FAM219A: variants seen among roughly 807,000 people sequenced by gnomAD.
FAM219A encodes protein FAM219A.
FAM219A carries 7 observed loss-of-function variants against 23.4 expected under a neutral mutation model. That is an observed-to-expected ratio of 0.30 (90% CI 0.17 to 0.56). The LOEUF (loss-of-function observed/expected upper bound fraction) is 0.56, where lower values mean the gene tolerates loss of function less well. Among genes scored for constraint, FAM219A ranks in the 20% least tolerant of loss-of-function variants. The pLI, the probability that FAM219A is intolerant of heterozygous loss-of-function variation, is 0.92. For synonymous variants in FAM219A, 93 were observed against 99.0 expected (o/e 0.94, Z 0.36); for missense variants, 166 against 246.9 (o/e 0.67, Z 2.20).
At chr9:34,456,393 C>G (rs1032478886) in intron 1 of FAM219A, among the ~76,000 whole-genome samples, 1 of 152,156 alleles carries the variant, frequency 6.6e-6, no homozygotes, top group Non-Finnish European at 1.5e-5. Context: ...ACAGAAGCAC[C>G]AAGGACAACT....
intron 1 of FAM219A, among the ~76,000 whole-genome samples, chr9:34,441,946 A>G (rs1452948319): frequency 1.3e-5 from 2 of 151,850 alleles, no homozygotes; most frequent in Non-Finnish European, 2.9e-5. Context: ...CTGGTTTCGA[A>G]CTCCTGGCCT....
At chr9:34,410,293 A>G (rs1381526890) in intron 1 of FAM219A, among the ~76,000 whole-genome samples, 3 of 152,242 alleles carry the variant, frequency 2.0e-5, no homozygotes, top group Non-Finnish European at 4.4e-5. Context: ...TAGTGCAGTC[A>G]ATACAATGGT....
intron 1 of FAM219A, among the ~76,000 whole-genome samples, chr9:34,418,738 G>T (rs1822131772): frequency 6.6e-6 from 1 of 152,178 alleles, no homozygotes; most frequent in African/African-American, 2.4e-5. Context: ...AATGGAGAAA[G>T]GAGTTAAGGT....
At chr9:34,438,719 T>C (rs1823035440) in intron 1 of FAM219A, among the ~76,000 whole-genome samples, 1 of 152,174 alleles carries the variant, frequency 6.6e-6, no homozygotes, top group African/African-American at 2.4e-5. Context: ...AGAACCTTTG[T>C]GTCTAGCTCA....
intron 1 of FAM219A, among the ~76,000 whole-genome samples, chr9:34,419,689 C>G (rs1299294264): frequency 1.3e-5 from 2 of 152,130 alleles, no homozygotes; most frequent in Non-Finnish European, 2.9e-5. Context: ...AATCTTGGCC[C>G]CAAATCTCAC....
intron 1 of FAM219A, among the ~76,000 whole-genome samples, chr9:34,447,919 T>C (rs2132014219): frequency 6.6e-6 from 1 of 152,134 alleles, no homozygotes; most frequent in South Asian, 2.1e-4. Context: ...TTGCCTAGGC[T>C]AGAGTGTAAT....
chr9:34,415,742 A>C (rs1185458870), intron 1 of FAM219A, among the ~76,000 whole-genome samples: 1 of 152,232 alleles, frequency 6.6e-6, no homozygotes, highest in African/African-American at 2.4e-5. Context: ...GAGGCAGAGC[A>C]AATTAGTCTC....
intron 1 of FAM219A, among the ~76,000 whole-genome samples, chr9:34,454,178 C>T (rs1823654075): frequency 6.6e-6 from 1 of 152,210 alleles, no homozygotes; most frequent in Non-Finnish European, 1.5e-5. Context: ...TGGCTCACGC[C>T]TGTAATCCCA....
chr9:34,400,746 T>C lies in FAM219A; in HGVS notation c.*218A>G. The C allele has an allele frequency of 4.5e-6, 2 of 447,932 alleles. No homozygotes were observed. Among genetic ancestry groups the C allele is most frequent in the Non-Finnish European group, 3.8e-6 (1 of 260,932 alleles). 27.7% of individuals were successfully genotyped at this position (447,932 alleles called of 1,614,324 possible). A position where few individuals can be genotyped will look rare whatever the true frequency, so the allele number is the denominator to read the frequency against. On this transcript the variant is annotated 3_prime_UTR_variant, in exon 6 of 6. Transcript: ENST00000651358. ...CAAACGGCCCCCACCCCTCCTCAGC[T>C]CCCGGGTGGAGAGAGACCCAGTTTT...
chr9:34,434,373 ATATT>A (rs1218650412), intron 1 of FAM219A, among the ~76,000 whole-genome samples: 1 of 152,070 alleles, frequency 6.6e-6, no homozygotes, highest in African/African-American at 2.4e-5. Flanking sequence ...GAAAATATAG[ATATT>A]TATTTTTATA....
intron 1 of FAM219A, among the ~76,000 whole-genome samples, chr9:34,413,322 T>G (rs1310314697): frequency 6.6e-6 from 1 of 152,000 alleles, no homozygotes; most frequent in African/African-American, 2.4e-5. Flanking sequence ...AGAGGAATAT[T>G]TGGTAGTTGG....
In FAM219A at chr9:34,402,786, C is replaced by T. The variant is rs778570970; in HGVS notation, c.182G>A (p.Arg61Gln). The T allele has an allele frequency of 2.0e-5, 33 of 1,614,052 alleles. No homozygotes were observed. The highest frequency in any genetic ancestry group is 1.6e-4 in the Middle Eastern group (1 of 6,080). The stretch of plus-strand genomic sequence containing the variant: ...GCTGCCATTCTTCAGGGAGCCCTTC[C>T]GGGCCAGCTCCCGCTGCTTCTCTGC... ...VKLEKQRELARKGSLKNGSMG... is the reference protein window; with the variant it reads ...VKLEKQRELAQKGSLKNGSMG... Residue 61 changes from arginine (R) to glutamine (Q), a missense_variant, in exon 3 of 6, where the codon CGG becomes CAG. This residue lies in a region of FAM219A where 89 missense variants were observed against 98.8 expected (regional missense o/e 0.90). Coordinates refer to ENST00000651358, the MANE Select transcript of FAM219A (RefSeq NM_001184940.2).
intron 1 of FAM219A, among the ~76,000 whole-genome samples, chr9:34,420,745 G>A (rs1220200155): frequency 1.3e-5 from 2 of 152,052 alleles, no homozygotes; most frequent in Admixed American, 1.3e-4. Flanking sequence ...AGGAGGCTGA[G>A]GTGGGAGGAT....
rs1378889878 is a variant in FAM219A, at chr9:34,441,230, G to T, written c.60+16974C>A. 3.9e-5 allele frequency among the ~76,000 whole-genome samples: 6 copies of T among 152,222 alleles called. No individual in the cohort carries two copies. In the East Asian group the frequency reaches 1.2e-3, roughly 29 times the overall value. ...AAGACCCTCCTCAGCATAGAAGAAG[G>T]CTGCTAAGAAATCTGTGGGAAGCAA... On this transcript the variant is annotated intron_variant, in intron 1 of 5. Transcript: ENST00000651358.
At chr9:34,405,560 T>C (rs1367261588) in intron 2 of FAM219A, among the ~76,000 whole-genome samples, 2 of 152,228 alleles carry the variant, frequency 1.3e-5, no homozygotes, top group Middle Eastern at 3.4e-3. Flanking sequence ...CCTGATCCAG[T>C]GTTTGATGGG....
intron 1 of FAM219A, among the ~76,000 whole-genome samples, chr9:34,439,302 T>A (rs1269364317): frequency 6.6e-6 from 1 of 152,192 alleles, no homozygotes; most frequent in Non-Finnish European, 1.5e-5. Context: ...GGGTATATGG[T>A]TGAATGTCAG....
At chr9:34,446,047 C>G (rs1011817661) in intron 1 of FAM219A, among the ~76,000 whole-genome samples, 1 of 151,968 alleles carries the variant, frequency 6.6e-6, no homozygotes, top group Admixed American at 6.6e-5. Context: ...GTGGTGTGCA[C>G]CTGTACTCTC....
At chr9:34,407,697 C>T (rs1053214070) in intron 1 of FAM219A, among the ~76,000 whole-genome samples, 1 of 152,174 alleles carries the variant, frequency 6.6e-6, no homozygotes. Flanking sequence ...CTTGTCTTTG[C>T]ATTTTAACCA....
chr9:34,419,208 G>C (rs1278318308), intron 1 of FAM219A, among the ~76,000 whole-genome samples: 2 of 152,082 alleles, frequency 1.3e-5, no homozygotes, highest in East Asian at 1.9e-4. Context: ...AAATAAGAAG[G>C]TGTGTGGTGG....
Sources: gnomAD v4.1 joint callset for allele counts (sites outside exome capture counted in the v4.1 genomes callset) on GRCh38, gnomAD v4.1.1 for gene constraint, gnomAD v4.1.1 regional missense constraint, MANE v1.5 for transcripts, NCBI Gene and HGNC (gene_info 2026-07-23, HGNC 2026-07-21) for gene names.